Variants in SLC2A13 observed in about 807,000 individuals in gnomAD.
The protein encoded by SLC2A13 is proton myo-inositol cotransporter.
A neutral mutation model predicts 64.4 loss-of-function variants in SLC2A13; 32 were observed. The observed-to-expected ratio is 0.50, with a 90% CI of 0.37 to 0.67. The LOEUF is 0.67. SLC2A13 is among the 30% of genes least tolerant of loss of function. SLC2A13 has a pLI of 0.00. For missense variants in SLC2A13, 743 were observed against 829.2 expected, an observed-to-expected ratio of 0.90 and a Z score of 1.28; for synonymous variants, 338 against 327.1, an observed-to-expected ratio of 1.03 and a Z score of -0.36.
intron 1 of SLC2A13, among the ~76,000 whole-genome samples, chr12:40,087,273 G>A (rs2136292147): frequency 6.6e-6 from 1 of 152,286 alleles, no homozygotes; most frequent in Admixed American, 6.5e-5. Context: ...TTTCAAGAGT[G>A]TAACTTTAGA....
chr12:39,772,199 G>T (rs1940606452), intron 7 of SLC2A13, among the ~76,000 whole-genome samples: 1 of 152,104 alleles, frequency 6.6e-6, no homozygotes, highest in South Asian at 2.1e-4. Flanking sequence ...AAGAGCACAG[G>T]GTCTAATGTC....
At chr12:40,011,952 C>T (rs1282092260) in intron 3 of SLC2A13, among the ~76,000 whole-genome samples, 3 of 152,204 alleles carry the variant, frequency 2.0e-5, no homozygotes, top group Admixed American at 6.5e-5. Context: ...GAAGCCAGCC[C>T]TGCAATAGCC....
chr12:40,015,730 C>G (rs1056657677), intron 3 of SLC2A13, among the ~76,000 whole-genome samples: 1 of 152,116 alleles, frequency 6.6e-6, no homozygotes, highest in African/African-American at 2.4e-5. Context: ...TCCACGAAAG[C>G]AGACGTTTTG....
intron 4 of SLC2A13, among the ~76,000 whole-genome samples, chr12:39,946,281 A>G (rs1946131247): frequency 6.6e-6 from 1 of 151,950 alleles, no homozygotes; most frequent in Non-Finnish European, 1.5e-5. Flanking sequence ...GTTGCAATGG[A>G]CCCCATGAGG....
intron 3 of SLC2A13, among the ~76,000 whole-genome samples, chr12:40,006,933 G>T (rs1446332690): frequency 1.3e-5 from 2 of 152,210 alleles, no homozygotes; most frequent in Non-Finnish European, 2.9e-5. Context: ...TTGAGTATTT[G>T]TAATGCTAGC....
intron 1 of SLC2A13, among the ~76,000 whole-genome samples, chr12:40,050,676 T>C (rs955116845): frequency 3.9e-5 from 6 of 152,082 alleles, no homozygotes; most frequent in Non-Finnish European, 8.8e-5. Flanking sequence ...ACATGATGAG[T>C]AGGTAGAAGA....
chr12:39,988,691 G>GAGGAAGGAAGGA (rs539712670), intron 3 of SLC2A13, among the ~76,000 whole-genome samples: 37 of 80,050 alleles, frequency 4.6e-4, no homozygotes, highest in Admixed American at 1.9e-3. Flanking sequence ...GGGAGGGAGG[G>GAGGAAGGAAGGA]AGGAAGGAAG....
At chr12:39,950,963 G>GA (rs1439731930) in intron 4 of SLC2A13, 30 of 375,736 alleles carry the variant, frequency 8.0e-5, no homozygotes, top group Admixed American at 3.6e-4. Context: ...AAATGGCTTA[G>GA]AAAAAATGAC....
intron 1 of SLC2A13, among the ~76,000 whole-genome samples, chr12:40,077,924 G>T (rs1316648127): frequency 6.6e-6 from 1 of 152,072 alleles, no homozygotes; most frequent in Non-Finnish European, 1.5e-5. Flanking sequence ...TTGTGAATGG[G>T]ATTGCATTCT....
At chr12:39,787,958 G>C (rs1450809343) in intron 7 of SLC2A13, among the ~76,000 whole-genome samples, 6 of 152,106 alleles carry the variant, frequency 3.9e-5, no homozygotes, top group African/African-American at 1.4e-4. Flanking sequence ...GTAATATATG[G>C]TACTGCCAAT....
chr12:39,789,209 T>C (rs572855118), intron 7 of SLC2A13, among the ~76,000 whole-genome samples: 1 of 152,294 alleles, frequency 6.6e-6, no homozygotes, highest in Admixed American at 6.5e-5. Context: ...CTGTGTTATT[T>C]ATATCCTTGT....
rs542023633 is a variant in SLC2A13 at position 39,816,981 on chromosome 12, T to C, written c.1445+13122A>G. On this transcript the variant is annotated intron_variant, in intron 7 of 9. Transcript: ENST00000280871. Reference sequence around the variant, plus strand: ...TATCTTGGGCAAATGTGTTATCCCATTGTGGGTTGGGTCATTCCCACTTTC... The same window carrying C: ...TATCTTGGGCAAATGTGTTATCCCACTGTGGGTTGGGTCATTCCCACTTTC... 3.3e-5 allele frequency among the ~76,000 whole-genome samples: 5 copies of C among 152,272 alleles called. No individual in the cohort carries two copies. The East Asian group carries it at 5.8e-4, about 18-fold the overall frequency.
chr12:39,765,796 C>A (rs1940327507), intron 7 of SLC2A13, among the ~76,000 whole-genome samples: 1 of 152,096 alleles, frequency 6.6e-6, no homozygotes, highest in Non-Finnish European at 1.5e-5. Flanking sequence ...TAAATGCGTG[C>A]TGTAGTGGTT....
At chr12:39,866,567 C>T (rs1007820904) in intron 5 of SLC2A13, among the ~76,000 whole-genome samples, 3 of 152,036 alleles carry the variant, frequency 2.0e-5, no homozygotes, top group African/African-American at 7.2e-5. Flanking sequence ...CAGGCTCCGC[C>T]CCCCGGGGTT....
intron 2 of SLC2A13, among the ~76,000 whole-genome samples, chr12:40,036,020 C>T (rs964458987): frequency 1.3e-5 from 2 of 151,832 alleles, no homozygotes; most frequent in African/African-American, 4.8e-5. Flanking sequence ...TCCTTTTTTC[C>T]CCCCAAACTC....
intron 3 of SLC2A13, among the ~76,000 whole-genome samples, chr12:39,985,124 G>A (rs187932440): frequency 6.6e-6 from 1 of 152,120 alleles, no homozygotes; most frequent in Non-Finnish European, 1.5e-5. Flanking sequence ...TCACAATCTG[G>A]AAAATTACAA....
chr12:39,903,705 C>T (rs17559478), intron 4 of SLC2A13, among the ~76,000 whole-genome samples: 10,377 of 152,090 alleles, frequency 0.068, 470 homozygotes, highest in Admixed American at 0.14. Context: ...AAGCAGCAGG[C>T]CCCAGAAATG....
chr12:39,881,514 T>C (rs547110470), intron 4 of SLC2A13, among the ~76,000 whole-genome samples: 1 of 152,292 alleles, frequency 6.6e-6, no homozygotes, highest in South Asian at 2.1e-4. Context: ...CTCAATTATC[T>C]GCTTATTTCA....
In SLC2A13 at chr12:39,789,814, T is replaced by C. The variant is rs371409927; in HGVS notation, c.1446-24956A>G. ...TAAGAGCTTGAGCCCCCATTTCACA[T>C]ATTTATTGGCCATTTGGGTATCTGC... On this transcript the variant is annotated intron_variant, in intron 7 of 9. Coordinates refer to ENST00000280871, the MANE Select transcript of SLC2A13 (RefSeq NM_052885.4). 2.8e-4 allele frequency among the ~76,000 whole-genome samples: 43 copies of C among 152,266 alleles called. No individual in the cohort carries two copies. In the East Asian group the frequency reaches 6.6e-3, roughly 23 times the overall value.
Sources: allele counts gnomAD v4.1 joint callset (sites outside exome capture counted in the v4.1 genomes callset), GRCh38; gene constraint gnomAD v4.1.1; transcripts MANE v1.5; gene names NCBI Gene and HGNC (gene_info 2026-07-23, HGNC 2026-07-21).